Variants in SLC9C1 observed in about 807,000 individuals in gnomAD.
SLC9C1 encodes solute carrier family 9 member C1.
Under a neutral mutation model 140.9 loss-of-function variants are expected in SLC9C1, and 97 were observed. The observed-to-expected ratio is 0.69, with a 90% CI of 0.58 to 0.82. The LOEUF is 0.82. Ranked by LOEUF, SLC9C1 falls within the 40% of genes least tolerant of loss-of-function variation. The pLI, the probability that SLC9C1 is intolerant of heterozygous loss-of-function variation, is 0.00. For missense variants in SLC9C1, 1,340 were observed against 1,389.3 expected, an observed-to-expected ratio of 0.96 and a Z score of 0.56; for synonymous variants, 440 against 442.6, an observed-to-expected ratio of 0.99 and a Z score of 0.07.
intron 16 of SLC9C1, among the ~76,000 whole-genome samples, chr3:112,206,769 C>A (rs180910499): frequency 1.1e-3 from 167 of 151,494 alleles, no homozygotes; most frequent in African/African-American, 3.4e-3. Context: ...CACATATTCT[C>A]ACTCGTAGGT....
intron 25 of SLC9C1, 84 bp from the exon 26 acceptor site, chr3:112,167,431 T>G (rs1473367550): frequency 8.0e-6 from 11 of 1,375,650 alleles, no homozygotes; most frequent in Non-Finnish European, 8.7e-6. Flanking sequence ...ATTTCTGGCT[T>G]TCTCTAGGTA....
intron 20 of SLC9C1, among the ~76,000 whole-genome samples, chr3:112,193,840 T>C (rs1362243134): frequency 6.6e-6 from 1 of 152,042 alleles, no homozygotes; most frequent in Non-Finnish European, 1.5e-5. Context: ...AGACTGTTTC[T>C]CTGGCTGGAA....
At chr3:112,156,514 T>G (rs1025923552) in intron 26 of SLC9C1, among the ~76,000 whole-genome samples, 5 of 152,124 alleles carry the variant, frequency 3.3e-5, no homozygotes, top group Admixed American at 1.3e-4. Context: ...ATACTGATTT[T>G]ATTTCTTTTG....
chr3:112,147,025 C>T (rs1277618053), intron 28 of SLC9C1, among the ~76,000 whole-genome samples: 2 of 152,266 alleles, frequency 1.3e-5, no homozygotes, highest in East Asian at 3.9e-4. Flanking sequence ...CTTCTTTTTA[C>T]ATTGAACCCT....
At chr3:112,271,019 A>G (rs1012860121) in intron 6 of SLC9C1, among the ~76,000 whole-genome samples, 3 of 152,202 alleles carry the variant, frequency 2.0e-5, no homozygotes, top group African/African-American at 7.2e-5. Flanking sequence ...GTTATTTACA[A>G]CAAGATGGAT....
At chr3:112,260,236 T>C (rs1036225060) in intron 10 of SLC9C1, among the ~76,000 whole-genome samples, 2 of 152,140 alleles carry the variant, frequency 1.3e-5, no homozygotes, top group Non-Finnish European at 2.9e-5. Flanking sequence ...CAATCTGCCA[T>C]GAAGCTCATA....
At chr3:112,155,142 T>A in intron 26 of SLC9C1, 93 bp from the exon 27 acceptor site, 1 of 1,106,094 alleles carries the variant, frequency 9.0e-7, no homozygotes, top group Non-Finnish European at 1.3e-6. Flanking sequence ...CAGATTCAAA[T>A]CACACTCAGG....
chr3:112,147,855 A>G (rs1207859597), intron 28 of SLC9C1, among the ~76,000 whole-genome samples: 1 of 152,190 alleles, frequency 6.6e-6, no homozygotes, highest in Admixed American at 6.5e-5. Context: ...TTCCTGAAAT[A>G]TATTCTATAG....
intron 23 of SLC9C1, among the ~76,000 whole-genome samples, chr3:112,174,986 ACT>A (rs1460711386): frequency 1.3e-5 from 2 of 151,726 alleles, no homozygotes; most frequent in African/African-American, 2.4e-5. Context: ...GTCCCTACAG[ACT>A]CTCTGGATCC....
At chr3:112,186,390 G>A (rs2077540820) in intron 20 of SLC9C1, among the ~76,000 whole-genome samples, 1 of 151,724 alleles carries the variant, frequency 6.6e-6, no homozygotes, top group Non-Finnish European at 1.5e-5. Flanking sequence ...TAAGATAAAG[G>A]TTCAGATTTA....
chr3:112,204,275 A>T lies in SLC9C1; in HGVS notation c.2115T>A (p.Thr705=), dbSNP rs771810541. 43 of 1,550,236 alleles carry T rather than the reference A, an allele frequency of 2.8e-5. No individual in the cohort carries two copies. The highest frequency in any genetic ancestry group is 3.7e-5 in the Non-Finnish European group (43 of 1,157,472). The part of the protein sequence containing the change: ...IDTIKYIFNE[T]EVIVFIKVVQ... The stretch of plus-strand genomic sequence containing the variant: ...CAACTTTTATAAAGACTATTACTTC[A>T]GTCTCATTAAAAATATACTTAATGG... Residue 705 remains threonine, a synonymous_variant, in exon 17 of 29, where the codon ACT becomes ACA. Coordinates refer to ENST00000305815, the MANE Select transcript of SLC9C1 (RefSeq NM_183061.3).
chr3:112,221,309 A>G, intron 13 of SLC9C1, 84 bp from the exon 14 acceptor site: 1 of 1,120,354 alleles, frequency 8.9e-7, no homozygotes, highest in Non-Finnish European at 1.3e-6. Flanking sequence ...AATGTGTGAT[A>G]AAGAAGTAAA....
intron 20 of SLC9C1, among the ~76,000 whole-genome samples, chr3:112,197,354 A>G (rs368230447): frequency 4.7e-4 from 72 of 152,264 alleles, no homozygotes; most frequent in African/African-American, 1.6e-3. Context: ...TGCAATCACA[A>G]TGGTTTCCAC....
chr3:112,153,448 G>C (rs2075041030), intron 27 of SLC9C1, among the ~76,000 whole-genome samples: 1 of 151,434 alleles, frequency 6.6e-6, no homozygotes, highest in African/African-American at 2.4e-5. Flanking sequence ...TTTTTCTATT[G>C]TTATTTCCCT....
At chr3:112,211,580 G>T (rs544929894) in intron 15 of SLC9C1, among the ~76,000 whole-genome samples, 39 of 152,342 alleles carry the variant, frequency 2.6e-4, no homozygotes, top group African/African-American at 8.7e-4. Flanking sequence ...GGCTCGGAGG[G>T]TCCCACGCCC....
In SLC9C1 at chr3:112,153,743, T is replaced by C. The variant is rs986022682; in HGVS notation, c.3417+1254A>G. Among the ~76,000 whole-genome samples the C allele has an allele frequency of 3.9e-5, 6 of 152,156 alleles. 1 individual carries two copies. Among genetic ancestry groups the C allele is most frequent in the Admixed American group, 3.9e-4 (6 of 15,272 alleles). On this transcript the variant is annotated intron_variant, in intron 27 of 28. Coordinates refer to ENST00000305815, the MANE Select transcript of SLC9C1 (RefSeq NM_183061.3). ...ATGATGCTTATGTAGGTTAAAAAAT[T>C]TGCCGAAGGTCACGTGGCTATTAAG...
At position 112,231,399 on chromosome 3, in the gene SLC9C1, T is replaced by C. The variant is rs998044442; in HGVS notation, c.1534A>G (p.Met512Val). The C allele has an allele frequency of 6.2e-7, 1 of 1,613,368 alleles. No individual in the cohort carries two copies. The highest frequency in any genetic ancestry group is 1.3e-5 in the African/African-American group (1 of 74,918). The change falls in exon 13 of 29, where the codon ATG becomes GTG. Residue 512 changes from methionine (M) to valine (V), a missense_variant. By Grantham distance (21) the Met-to-Val change is conservative. Transcript: ENST00000305815. ...AAGAGACGCCTGTTGGCCAGCTCCATTGCTTCAGTGTTAAAGATCTCATCT... is the reference window on the plus strand; with the variant it reads ...AAGAGACGCCTGTTGGCCAGCTCCACTGCTTCAGTGTTAAAGATCTCATCT... ...EIDEIFNTEAMELANRRLLSA... is the reference protein window; with the variant it reads ...EIDEIFNTEAVELANRRLLSA...
chr3:112,202,110 T>TAACC, intron 18 of SLC9C1, 140 bp downstream of exon 18: 1 of 929,422 alleles, frequency 1.1e-6, no homozygotes, highest in East Asian at 2.6e-5. Flanking sequence ...AATTTAAATG[T>TAACC]AACCTAGTTT....
At position 112,169,078 on chromosome 3, in the gene SLC9C1, C is replaced by G; in HGVS notation, c.3052-16G>C. 1 of 1,575,840 alleles carries G rather than the reference C, an allele frequency of 6.3e-7. No individual in the cohort carries two copies. The highest frequency in any genetic ancestry group is 8.6e-7 in the Non-Finnish European group (1 of 1,164,726). ...AGTTCCAATCCTGTTTTAGAAAACACAATTTCAGTCTATTATTAGTCTATG... is the reference window on the plus strand; with the variant it reads ...AGTTCCAATCCTGTTTTAGAAAACAGAATTTCAGTCTATTATTAGTCTATG... On this transcript the variant is annotated splice_polypyrimidine_tract_variant and intron_variant, in intron 24 of 28. Transcript: ENST00000305815.
Sources: gnomAD v4.1 joint callset for allele counts (sites outside exome capture counted in the v4.1 genomes callset) on GRCh38, gnomAD v4.1.1 for gene constraint, MANE v1.5 for transcripts, NCBI Gene and HGNC (gene_info 2026-07-23, HGNC 2026-07-21) for gene names.